Variants in CHD1L observed in about 807,000 individuals in gnomAD.
CHD1L encodes chromodomain helicase DNA binding protein 1 like.
In CHD1L, 118 loss-of-function variants were observed where a neutral mutation model predicts 115.9. The observed-to-expected ratio is 1.02, with a 90% CI of 0.88 to 1.19. The LOEUF is 1.19. CHD1L is among the 50% of genes most tolerant of loss of function. CHD1L has a pLI of 0.00. For missense variants in CHD1L, 1,179 were observed against 1,065.3 expected (o/e 1.11, Z -1.49); for synonymous variants, 411 against 387.1 (o/e 1.06, Z -0.72).
At chr1:147,238,053 A>G (rs970093213), upstream of CHD1L, among the ~76,000 whole-genome samples, 4 of 152,184 alleles carry the variant, frequency 2.6e-5, no homozygotes, top group Non-Finnish European at 5.9e-5. Context: ...ATACTGTGGT[A>G]TATTTTCCCT....
chr1:147,174,720 C>G, the CHD1L span: 1 of 151,178 alleles, frequency 6.6e-6, no homozygotes, highest in African/African-American at 2.4e-5. Context: ...TTCTTAGATT[C>G]GGGAATAAGT....
intron 12 of CHD1L, 177 bp downstream of exon 12, chr1:147,272,458 T>G: frequency 4.0e-6 from 2 of 504,546 alleles, no homozygotes; most frequent in South Asian, 6.8e-5. Context: ...CTGTCCAAAC[T>G]GTCATCTCAG....
At chr1:147,276,557 ATTAG>A (rs1678558486) in intron 14 of CHD1L, among the ~76,000 whole-genome samples, 1 of 152,214 alleles carries the variant, frequency 6.6e-6, no homozygotes, top group Non-Finnish European at 1.5e-5. Flanking sequence ...TGTTAAGAGA[ATTAG>A]TTAAAATAAA....
chr1:147,265,675 A>C (rs1037206902), intron 7 of CHD1L, among the ~76,000 whole-genome samples: 1 of 152,170 alleles, frequency 6.6e-6, no homozygotes, highest in Non-Finnish European at 1.5e-5. Flanking sequence ...AATATTCTGG[A>C]AACAAAACAG....
At chr1:147,242,366 A>G (rs1009163240), upstream of CHD1L, among the ~76,000 whole-genome samples, 5 of 152,202 alleles carry the variant, frequency 3.3e-5, no homozygotes, top group African/African-American at 1.2e-4. Context: ...GACACATGAT[A>G]GTCGATGTTG....
Position 147,284,512 on chromosome 1 carries a change from A to T in CHD1L, c.1854+13A>T. On this transcript the variant is annotated intron_variant, in intron 16 of 22. Coordinates refer to ENST00000369258, the MANE Select transcript of CHD1L (RefSeq NM_004284.6). Reference sequence around the variant, plus strand: ...AAATAAAGGCAGTGTAAGAACTGTTAATTTATTTAAAAGTTGTTCTTCCAA... The same window carrying T: ...AAATAAAGGCAGTGTAAGAACTGTTTATTTATTTAAAAGTTGTTCTTCCAA... 6.4e-7 allele frequency: 1 copy of T among 1,556,206 alleles called. No homozygotes were observed. Among genetic ancestry groups the T allele is most frequent in the Non-Finnish European group, 8.6e-7 (1 of 1,159,612 alleles).
rs781885928 is a variant in CHD1L at position 147,242,731 on chromosome 1, G to T, written c.28G>T (p.Gly10Trp). 7.9e-6 allele frequency: 10 copies of T among 1,259,510 alleles called. No homozygotes were observed. The highest frequency in any genetic ancestry group is 9.0e-6 in the Non-Finnish European group (9 of 996,960). 78.0% of individuals were successfully genotyped at this position (1,259,510 alleles called of 1,614,324 possible). MERAGATSRGGQAPGFLLRL... is the reference protein window; with the variant it reads MERAGATSRWGQAPGFLLRL... The stretch of plus-strand genomic sequence containing the variant: ...GGAGCGCGCGGGCGCTACTAGCCGC[G>T]GGGGCCAAGCCCCTGGCTTCTTACT... The change falls in exon 1 of 23, where the codon GGG becomes TGG. Residue 10 changes from glycine to tryptophan, a missense_variant. By Grantham distance (184) the Gly-to-Trp change is radical. Coordinates refer to ENST00000369258, the MANE Select transcript of CHD1L (RefSeq NM_004284.6).
chr1:147,200,888 G>A, the CHD1L span, among the ~76,000 whole-genome samples: 3 of 152,068 alleles, frequency 2.0e-5, no homozygotes, highest in Non-Finnish European at 4.4e-5. Flanking sequence ...TGTTATGACT[G>A]CCCCACCCCA....
chr1:147,254,333 C>A (rs1157149500), intron 2 of CHD1L, among the ~76,000 whole-genome samples: 2 of 144,732 alleles, frequency 1.4e-5, no homozygotes, highest in Admixed American at 7.1e-5. Flanking sequence ...GAGCATAGGA[C>A]AGTGCCTAGC....
chr1:147,187,388 A>G, the CHD1L span: 3 of 633,980 alleles, frequency 4.7e-6, no homozygotes, highest in South Asian at 4.2e-5. Flanking sequence ...AACATTGGTC[A>G]CTGTCCTTAA....
At chr1:147,198,850 C>CAAAAAAAA in the CHD1L span, among the ~76,000 whole-genome samples, 68 of 51,442 alleles carry the variant, frequency 1.3e-3, no homozygotes, top group Middle Eastern at 0.014. Context: ...GACTGCATCT[C>CAAAAAAAA]AAAAAAAAAA....
intron 12 of CHD1L, among the ~76,000 whole-genome samples, chr1:147,273,425 G>T (rs1374911792): frequency 6.6e-6 from 1 of 152,100 alleles, no homozygotes; most frequent in Non-Finnish European, 1.5e-5. Flanking sequence ...TATAATTTTT[G>T]ATTATAAGGA....
chr1:147,288,967 C>G (rs773076098), intron 19 of CHD1L, among the ~76,000 whole-genome samples: 2 of 152,092 alleles, frequency 1.3e-5, no homozygotes, highest in Admixed American at 6.6e-5. Context: ...ATTGAAGGAC[C>G]TTGTCTGATA....
chr1:147,289,303 G>C (rs1684590248), intron 19 of CHD1L, among the ~76,000 whole-genome samples: 1 of 152,164 alleles, frequency 6.6e-6, no homozygotes, highest in African/African-American at 2.4e-5. Flanking sequence ...CTTAGGACTT[G>C]AGGCAAGAAG....
the CHD1L span, chr1:147,204,102 C>T: frequency 1.9e-6 from 2 of 1,056,426 alleles, no homozygotes; most frequent in Non-Finnish European, 3.0e-6. Context: ...TTGACTTATG[C>T]ATCCATGAGA....
At position 147,275,649 on chromosome 1, in the gene CHD1L, T is replaced by C. The variant is rs587663677; in HGVS notation, c.1385+181T>C. On this transcript the variant is annotated intron_variant, in intron 13 of 22. Coordinates refer to ENST00000369258, the MANE Select transcript of CHD1L (RefSeq NM_004284.6). ...GGTGGGTCACATTATCAGTCCAGAC[T>C]GACTTTATTAGAAGGAGTCAAATCA... Among the ~76,000 whole-genome samples, 41 of 152,218 alleles carry C rather than the reference T, an allele frequency of 2.7e-4. No homozygotes were observed. In the South Asian group the frequency reaches 6.6e-3, roughly 25 times the overall value.
rs587741389 is a variant in CHD1L, at chr1:147,264,384, G to A, written c.577-38G>A. 4 of 1,514,194 alleles carry A rather than the reference G, an allele frequency of 2.6e-6. No individual in the cohort carries two copies. The South Asian group carries it at 5.0e-5, about 19-fold the overall frequency. 93.8% of individuals were successfully genotyped at this position (1,514,194 alleles called of 1,614,324 possible). On this transcript the variant is annotated intron_variant, in intron 6 of 22. Transcript: ENST00000369258. ...GGGTAACTCAGCCTTGCATTCCAGT[G>A]TTATGGAATTTTTATTTTATTTATT...
At chr1:147,278,481 C>T (rs1679501970) in intron 14 of CHD1L, among the ~76,000 whole-genome samples, 1 of 150,494 alleles carries the variant, frequency 6.6e-6, no homozygotes, top group South Asian at 2.1e-4. Flanking sequence ...CCTCGGCCTC[C>T]TAAAGTGCTG....
the CHD1L span, among the ~76,000 whole-genome samples, chr1:147,198,005 T>C: frequency 6.6e-6 from 1 of 152,200 alleles, no homozygotes; most frequent in Non-Finnish European, 1.5e-5. Flanking sequence ...TCTGTGGTGG[T>C]AGGCCTTCAG....
Sources: allele counts gnomAD v4.1 joint callset (sites outside exome capture counted in the v4.1 genomes callset), GRCh38; gene constraint gnomAD v4.1.1; transcripts MANE v1.5; gene names NCBI Gene and HGNC (gene_info 2026-07-23, HGNC 2026-07-21).